TNFRSF11A: variants seen among roughly 807,000 people sequenced by gnomAD.
TNFRSF11A encodes TNF receptor superfamily member 11a.
TNFRSF11A carries 32 observed loss-of-function variants against 55.7 expected under a neutral mutation model. That is an observed-to-expected ratio of 0.57 (90% CI 0.43 to 0.77). The LOEUF (loss-of-function observed/expected upper bound fraction) is 0.77. TNFRSF11A is among the 30% of genes least tolerant of loss of function. The probability of loss-of-function intolerance (pLI) is 0.00; values close to 1 mark genes in which losing one functional copy is unlikely to be tolerated. For synonymous variants in TNFRSF11A, 311 were observed against 331.0 expected (o/e 0.94, Z 0.65); for missense variants, 753 against 809.8 (o/e 0.93, Z 0.85).
intron 7 of TNFRSF11A, 121 bp downstream of exon 7, chr18:62,361,914 A>C (rs1312003368): frequency 2.2e-6 from 2 of 929,606 alleles, no homozygotes; most frequent in African/African-American, 3.3e-5. Context: ...AACTAAAGCA[A>C]AACACGTTTT....
Position 62,348,225 on chromosome 18 carries a change from C to G in TNFRSF11A, c.133C>G (p.Arg45Gly). The G allele has an allele frequency of 6.2e-7, 1 of 1,614,086 alleles. No individual in the cohort carries two copies. The highest frequency in any genetic ancestry group is 8.5e-7 in the Non-Finnish European group (1 of 1,180,020). Residue 45 changes from arginine (R) to glycine (G), a missense_variant, in exon 2 of 10, where the codon CGG becomes GGG. By Grantham distance (125) the Arg-to-Gly change is moderately radical (BLOSUM62 -2). Coordinates refer to ENST00000586569, the MANE Select transcript of TNFRSF11A (RefSeq NM_003839.4). ...TGAGAAGCATTATGAGCATCTGGGA[C>G]GGTGCTGTAACAAATGTGAACCAGG... ...TSEKHYEHLG[R>G]CCNKCEPGKY...
chr18:62,344,837 A>C (rs2046359699), intron 1 of TNFRSF11A, among the ~76,000 whole-genome samples: 1 of 152,192 alleles, frequency 6.6e-6, no homozygotes, highest in South Asian at 2.1e-4. Context: ...TCATGCACAC[A>C]AAAAAATGAC....
intron 1 of TNFRSF11A, among the ~76,000 whole-genome samples, chr18:62,334,113 G>A (rs912753353): frequency 1.3e-5 from 2 of 152,130 alleles, no homozygotes; most frequent in East Asian, 3.9e-4. Context: ...TGATCTGCCC[G>A]CCTCGGCCTC....
At chr18:62,371,364 G>C (rs184092684) in intron 9 of TNFRSF11A, among the ~76,000 whole-genome samples, 1 of 152,348 alleles carries the variant, frequency 6.6e-6, no homozygotes, top group East Asian at 1.9e-4. Context: ...GATTTAAAGA[G>C]AGAGAGAGAG....
In TNFRSF11A at chr18:62,390,486, C is replaced by T. The variant is rs995519502; in HGVS notation, c.*5452C>T. ...TTGGGAAGAATAACACATTGACCAC[C>T]GGCTCAGAGGAGGTGGCATTATAGG... On this transcript the variant is annotated 3_prime_UTR_variant, in exon 10 of 10. Transcript: ENST00000586569. 2.1e-4 allele frequency: 32 copies of T among 152,212 alleles called. No homozygotes were observed. The highest frequency in any genetic ancestry group is 7.7e-4 in the African/African-American group (32 of 41,424). The allele number at this position is 152,212 out of a possible 1,614,324, so 9.4% of individuals were successfully genotyped here. A position where few individuals can be genotyped will look rare whatever the true frequency, so the allele number is the denominator to read the frequency against.
intron 1 of TNFRSF11A, among the ~76,000 whole-genome samples, chr18:62,338,012 C>A (rs1409679080): frequency 1.3e-5 from 2 of 152,172 alleles, no homozygotes; most frequent in Non-Finnish European, 2.9e-5. Context: ...CTTGAATAGA[C>A]ATTTCTTCAA....
intron 3 of TNFRSF11A, among the ~76,000 whole-genome samples, chr18:62,353,687 G>A (rs756529379): frequency 3.3e-5 from 5 of 151,620 alleles, no homozygotes; most frequent in African/African-American, 7.2e-5. Flanking sequence ...TCATATTTGT[G>A]TGTGTATGTA....
intron 4 of TNFRSF11A, among the ~76,000 whole-genome samples, chr18:62,356,140 G>A (rs1348807434): frequency 2.0e-5 from 3 of 152,026 alleles, no homozygotes; most frequent in Admixed American, 1.3e-4. Flanking sequence ...TTTTTTCCAC[G>A]ACTTAACAAA....
chr18:62,362,829 CTT>C (rs1230776859), intron 7 of TNFRSF11A, among the ~76,000 whole-genome samples: 1 of 151,910 alleles, frequency 6.6e-6, no homozygotes, highest in Non-Finnish European at 1.5e-5. Flanking sequence ...CAGTTGCTCT[CTT>C]ATTTATTTAT....
intron 9 of TNFRSF11A, among the ~76,000 whole-genome samples, chr18:62,377,184 G>A (rs528435120): frequency 1.3e-5 from 2 of 152,236 alleles, no homozygotes; most frequent in African/African-American, 4.8e-5. Context: ...CAAAGTGCTG[G>A]GATTATAGGC....
At chr18:62,367,785 C>CTT (rs1322315651) in intron 8 of TNFRSF11A, among the ~76,000 whole-genome samples, 1 of 110,462 alleles carries the variant, frequency 9.1e-6, no homozygotes, top group African/African-American at 3.5e-5. Context: ...TTTTCTTCTT[C>CTT]TTCTTTTTTT....
rs367729114 is a variant in TNFRSF11A, at chr18:62,384,747, G to A, written c.1568-4G>A. The A allele has an allele frequency of 6.2e-6, 10 of 1,610,638 alleles. No homozygotes were observed. Among genetic ancestry groups the A allele is most frequent in the Non-Finnish European group, 8.5e-6 (10 of 1,178,450 alleles). ...CCCCGTGTTCTCCCTTCCTCTCCCC[G>A]CAGGAAATGTGACTGGAAACAGTAA... On this transcript the variant is annotated splice_region_variant and splice_polypyrimidine_tract_variant and intron_variant, in intron 9 of 9. Transcript: ENST00000586569.
intron 9 of TNFRSF11A, among the ~76,000 whole-genome samples, chr18:62,377,078 A>C (rs1418401596): frequency 6.6e-6 from 1 of 151,898 alleles, no homozygotes; most frequent in African/African-American, 2.4e-5. Flanking sequence ...CATGCCCAGC[A>C]AATTTTTTGT....
chr18:62,333,144 A>G (rs1476573382), intron 1 of TNFRSF11A, among the ~76,000 whole-genome samples: 1 of 152,158 alleles, frequency 6.6e-6, no homozygotes, highest in Non-Finnish European at 1.5e-5. Flanking sequence ...CCGGGGAAGG[A>G]TAAAGCCAGC....
intron 1 of TNFRSF11A, among the ~76,000 whole-genome samples, chr18:62,331,168 A>G (rs1019190380): frequency 6.6e-6 from 1 of 152,134 alleles, no homozygotes; most frequent in African/African-American, 2.4e-5. Context: ...GCACCACTGC[A>G]CTCCAGCCTG....
intron 7 of TNFRSF11A, among the ~76,000 whole-genome samples, chr18:62,363,963 A>T (rs1043477923): frequency 6.6e-6 from 1 of 152,186 alleles, no homozygotes; most frequent in Non-Finnish European, 1.5e-5. Flanking sequence ...CAGGGACTGG[A>T]CTGACACTGG....
chr18:62,329,968 T>C (rs768157070), intron 1 of TNFRSF11A, among the ~76,000 whole-genome samples: 1 of 152,198 alleles, frequency 6.6e-6, no homozygotes, highest in Non-Finnish European at 1.5e-5. Context: ...TATATGTGTG[T>C]TTGTTTTGTG....
At chr18:62,351,609 C>T (rs2046473070) in intron 3 of TNFRSF11A, among the ~76,000 whole-genome samples, 1 of 151,972 alleles carries the variant, frequency 6.6e-6, no homozygotes. Flanking sequence ...CTTCCCTCAT[C>T]AACTATTTAT....
rs1909549968 is a variant in TNFRSF11A, at chr18:62,359,949, C to T, written c.522-6C>T. The T allele has an allele frequency of 4.3e-6, 7 of 1,613,186 alleles. No homozygotes were observed. The South Asian group carries it at 7.7e-5, about 18-fold the overall frequency. ...CCAAAGCACTGAACCACCTTTTCCC[C>T]CACAGCTGTACCTTCCTTGGAAAGA... On this transcript the variant is annotated splice_polypyrimidine_tract_variant and splice_region_variant and intron_variant, in intron 5 of 9. Transcript: ENST00000586569.
Sources: gnomAD v4.1 joint callset for allele counts (sites outside exome capture counted in the v4.1 genomes callset) on GRCh38, gnomAD v4.1.1 for gene constraint, MANE v1.5 for transcripts, NCBI Gene and HGNC (gene_info 2026-07-23, HGNC 2026-07-21) for gene names.